The following KLHL1 variants were observed in gnomAD, a reference collection of about 807,000 sequenced individuals.
KLHL1 encodes kelch like family member 1, also known as kelch-like protein 1.
A neutral mutation model predicts 77.7 loss-of-function variants in KLHL1; 47 were observed. That is an observed-to-expected ratio of 0.60 (90% confidence interval 0.48 to 0.77). KLHL1 has a LOEUF of 0.77. KLHL1 is among the 30% of genes least tolerant of loss of function. KLHL1 has a pLI of 0.00. For synonymous variants in KLHL1, 360 were observed against 325.2 expected (o/e 1.11, Z -1.15); for missense variants, 925 against 910.8 (o/e 1.02, Z -0.20).
intron 7 of KLHL1, among the ~76,000 whole-genome samples, chr13:69,789,663 G>C (rs1293542327): frequency 6.6e-6 from 1 of 151,972 alleles, no homozygotes; most frequent in East Asian, 1.9e-4. Flanking sequence ...TCTTACTTTG[G>C]AAACATATAT....
intron 4 of KLHL1, among the ~76,000 whole-genome samples, chr13:69,887,313 C>A (rs1245944131): frequency 2.0e-5 from 3 of 152,082 alleles, no homozygotes; most frequent in Admixed American, 6.6e-5. Flanking sequence ...TATAAAGGTA[C>A]AATGTAGGCC....
At chr13:69,751,472 C>G (rs1874476570) in intron 7 of KLHL1, among the ~76,000 whole-genome samples, 1 of 151,906 alleles carries the variant, frequency 6.6e-6, no homozygotes, top group South Asian at 2.1e-4. Context: ...GAGCTAATAT[C>G]TGGGGGAAGA....
chr13:69,949,385 C>T (rs1379266557), intron 3 of KLHL1, among the ~76,000 whole-genome samples: 3 of 151,318 alleles, frequency 2.0e-5, no homozygotes, highest in South Asian at 2.1e-4. Context: ...AAATGTTCTT[C>T]GATTGATATT....
chr13:70,066,197 A>C (rs886114370), intron 1 of KLHL1, among the ~76,000 whole-genome samples: 1 of 152,206 alleles, frequency 6.6e-6, no homozygotes, highest in African/African-American at 2.4e-5. Flanking sequence ...TCATGCTTCG[A>C]GTTCTCAAGA....
At chr13:70,081,778 T>C (rs1317173946) in intron 1 of KLHL1, among the ~76,000 whole-genome samples, 2 of 152,240 alleles carry the variant, frequency 1.3e-5, no homozygotes, top group Non-Finnish European at 2.9e-5. Flanking sequence ...CTAGGTAAGC[T>C]ACACCTAGAC....
intron 1 of KLHL1, among the ~76,000 whole-genome samples, chr13:70,055,838 G>A (rs1886731972): frequency 6.6e-6 from 1 of 151,680 alleles, no homozygotes; most frequent in Admixed American, 6.6e-5. Context: ...AAAATAAAAA[G>A]CAAGAAATTA....
At chr13:69,772,290 C>T (rs1875610972) in intron 7 of KLHL1, among the ~76,000 whole-genome samples, 1 of 151,768 alleles carries the variant, frequency 6.6e-6, no homozygotes, top group Admixed American at 6.6e-5. Flanking sequence ...ATAGTATTTT[C>T]TCTTCTTCAA....
intron 3 of KLHL1, among the ~76,000 whole-genome samples, chr13:69,952,222 A>G (rs1224810870): frequency 1.3e-5 from 2 of 151,532 alleles, no homozygotes; most frequent in African/African-American, 2.4e-5. Context: ...CTCATTAATC[A>G]GAAAGCAGAG....
At chr13:70,068,866 A>G (rs185793169) in intron 1 of KLHL1, among the ~76,000 whole-genome samples, 95 of 152,234 alleles carry the variant, frequency 6.2e-4, no homozygotes, top group Middle Eastern at 6.8e-3. Flanking sequence ...GTGGGGGAGG[A>G]GGCACACTTT....
intron 4 of KLHL1, among the ~76,000 whole-genome samples, chr13:69,917,122 C>A (rs909828550): frequency 2.6e-5 from 4 of 151,364 alleles, no homozygotes; most frequent in Non-Finnish European, 5.9e-5. Flanking sequence ...GTGGGGAGCG[C>A]TTGAAGAAAA....
rs527498655 is a variant in KLHL1, at chr13:69,842,875, G to A, written c.1228-3713C>T. ...TGGCCATAAGAAAGAATAAAATCAT[G>A]CCATTTATAGCAACATGTATGGAAC... is the stretch of plus-strand genomic sequence containing the variant. On this transcript the variant is annotated intron_variant, in intron 5 of 10. Transcript: ENST00000377844. 2.6e-5 allele frequency among the ~76,000 whole-genome samples: 4 copies of A among 151,838 alleles called. No homozygotes were observed. In the East Asian group the frequency reaches 7.8e-4, roughly 30 times the overall value.
At chr13:69,845,900 T>A (rs752141132) in intron 5 of KLHL1, among the ~76,000 whole-genome samples, 7 of 151,266 alleles carry the variant, frequency 4.6e-5, no homozygotes, top group Non-Finnish European at 4.4e-5. Flanking sequence ...TGAAAAAAAA[T>A]AGATCTTAAA....
chr13:69,934,835 T>C (rs140254711), intron 4 of KLHL1, among the ~76,000 whole-genome samples: 84 of 151,754 alleles, frequency 5.5e-4, no homozygotes, highest in African/African-American at 2.0e-3. Context: ...ACCTGACTAA[T>C]TCTACCTCAT....
chr13:70,033,603 G>GTTTTTTTTTTTTT (rs1216971797), intron 1 of KLHL1, among the ~76,000 whole-genome samples: 1 of 116,094 alleles, frequency 8.6e-6, no homozygotes, highest in African/African-American at 3.3e-5. Context: ...ACCGCAACTG[G>GTTTTTTTTTTTTT]CTTTTTTTTT....
At chr13:70,074,107 G>A (rs573697203) in intron 1 of KLHL1, among the ~76,000 whole-genome samples, 2 of 152,064 alleles carry the variant, frequency 1.3e-5, no homozygotes, top group South Asian at 2.1e-4. Context: ...GATTACAGGC[G>A]TGAGCCACCT....
At position 70,021,021 on chromosome 13, in the gene KLHL1, G is replaced by A. The variant is rs568711572; in HGVS notation, c.498-45219C>T. ...CATTCACTATAATTGGTGAAACTAT[G>A]TTGATACCTTATTATTACCTAAAGT... On this transcript the variant is annotated intron_variant, in intron 1 of 10. Coordinates refer to ENST00000377844, the MANE Select transcript of KLHL1 (RefSeq NM_020866.3). 8.5e-5 allele frequency among the ~76,000 whole-genome samples: 13 copies of A among 152,072 alleles called. No individual in the cohort carries two copies. In the South Asian group the frequency reaches 2.7e-3, roughly 32 times the overall value.
At chr13:70,078,522 G>A (rs1343858193) in intron 1 of KLHL1, among the ~76,000 whole-genome samples, 1 of 151,998 alleles carries the variant, frequency 6.6e-6, no homozygotes, top group African/African-American at 2.4e-5. Context: ...AGGCCACAGA[G>A]CTTAGTGAAG....
chr13:69,759,006 G>A (rs1874896853), intron 7 of KLHL1, among the ~76,000 whole-genome samples: 1 of 152,062 alleles, frequency 6.6e-6, no homozygotes, highest in African/African-American at 2.4e-5. Context: ...AGCTTACATG[G>A]CACCCATGGA....
At chr13:69,776,670 G>T (rs555630633) in intron 7 of KLHL1, among the ~76,000 whole-genome samples, 10 of 152,194 alleles carry the variant, frequency 6.6e-5, no homozygotes, top group African/African-American at 2.4e-4. Flanking sequence ...TGCCCATGCA[G>T]GTTAAAGGCA....
Sources: gnomAD v4.1 joint callset for allele counts (sites outside exome capture counted in the v4.1 genomes callset) on GRCh38, gnomAD v4.1.1 for gene constraint, MANE v1.5 for transcripts, NCBI Gene and HGNC (gene_info 2026-07-23, HGNC 2026-07-21) for gene names.